Variants in ZDHHC11B observed in about 807,000 individuals in gnomAD.
The protein encoded by ZDHHC11B is probable palmitoyltransferase ZDHHC11B.
A neutral mutation model predicts 42.3 loss-of-function variants in ZDHHC11B; 17 were observed. That is an observed-to-expected ratio of 0.40 (90% CI 0.27 to 0.60). The LOEUF is 0.60. Among genes scored for constraint, ZDHHC11B ranks in the 20% least tolerant of loss-of-function variants. The pLI, the probability that ZDHHC11B is intolerant of heterozygous loss-of-function variation, is 0.41. For synonymous variants in ZDHHC11B, 123 were observed against 193.5 expected, an observed-to-expected ratio of 0.64 and a Z score of 3.02; for missense variants, 262 against 463.2, an observed-to-expected ratio of 0.57 and a Z score of 3.99.
intron 7 of ZDHHC11B, among the ~76,000 whole-genome samples, chr5:748,918 C>T (rs11741048): frequency 0.092 from 5,872 of 64,144 alleles, 343 homozygotes; most frequent in East Asian, 0.24. Context: ...GGGGTCACAG[C>T]GCCCACCCCT....
intron 12 of ZDHHC11B, among the ~76,000 whole-genome samples, chr5:723,737 C>T (rs2126976093): frequency 8.6e-6 from 1 of 116,534 alleles, no homozygotes; most frequent in Admixed American, 8.4e-5. Context: ...GTGTGACCTT[C>T]CGTGGTCAGA....
intron 8 of ZDHHC11B, chr5:747,329 TAA>T (rs1371395315): frequency 7.5e-6 from 1 of 133,962 alleles, no homozygotes; most frequent in African/African-American, 2.7e-5. Context: ...CATCCAAAAT[TAA>T]AACTCTGAAA....
chr5:729,926 G>A (rs1157878081), intron 12 of ZDHHC11B, among the ~76,000 whole-genome samples: 4 of 150,448 alleles, frequency 2.7e-5, no homozygotes, highest in East Asian at 3.9e-4. Context: ...ATTTCATCAC[G>A]GGAACAGGGT....
chr5:750,778 C>T (rs28415094), intron 7 of ZDHHC11B, among the ~76,000 whole-genome samples: 62,401 of 122,474 alleles, frequency 0.51, 16,894 homozygotes, highest in East Asian at 0.54. Flanking sequence ...GGATGGGCAC[C>T]CCCACCCTCC....
chr5:718,625 G>A (rs555863710), intron 12 of ZDHHC11B, among the ~76,000 whole-genome samples: 3 of 151,276 alleles, frequency 2.0e-5, no homozygotes, highest in East Asian at 3.9e-4. Context: ...GAACCTGGGA[G>A]GTGGAGCTTG....
chr5:769,646 G>A (rs1321190359), intron 1 of ZDHHC11B, among the ~76,000 whole-genome samples: 2 of 151,876 alleles, frequency 1.3e-5, no homozygotes, highest in African/African-American at 4.8e-5. Flanking sequence ...TCACACTTTC[G>A]TTCAAAGGAC....
At chr5:767,304 AC>A in intron 3 of ZDHHC11B, 87 bp downstream of exon 3, 1 of 1,431,814 alleles carries the variant, frequency 7.0e-7, no homozygotes. Flanking sequence ...CCCTCTCCCC[AC>A]CCACACACAT....
intron 7 of ZDHHC11B, among the ~76,000 whole-genome samples, chr5:749,403 T>C (rs1221875588): frequency 7.7e-6 from 1 of 129,140 alleles, no homozygotes; most frequent in Non-Finnish European, 1.7e-5. Context: ...TGGCAGAGGG[T>C]TGGATTCAGT....
intron 4 of ZDHHC11B, among the ~76,000 whole-genome samples, chr5:764,598 C>A (rs898900753): frequency 4.6e-5 from 7 of 151,928 alleles, no homozygotes; most frequent in Admixed American, 2.6e-4. Context: ...TGCCTCCCTG[C>A]GGGGCAGGGC....
At chr5:784,502 C>G (rs1737108417) in intron 1 of ZDHHC11B, among the ~76,000 whole-genome samples, 166 bp downstream of exon 1, 1 of 152,258 alleles carries the variant, frequency 6.6e-6, no homozygotes, top group Admixed American at 6.5e-5. Flanking sequence ...CCGGGCATCC[C>G]AATCCGGGGG....
intron 6 of ZDHHC11B, 81 bp from the exon 7 acceptor site, chr5:751,338 G>C (rs1179744480): frequency 6.6e-6 from 1 of 151,302 alleles, no homozygotes; most frequent in African/African-American, 3.4e-5. Context: ...GGGGGCACGG[G>C]GGCAGGGGGT....
At position 748,101 on chromosome 5, in the gene ZDHHC11B, C is replaced by T. The variant is rs186449059; in HGVS notation, c.784+303G>A. Reference sequence around the variant, plus strand: ...TAGATTCCATTCCATTTTCTCTGAACATTTTAAACTTGTTACTTCAAGCAC... The same window carrying T: ...TAGATTCCATTCCATTTTCTCTGAATATTTTAAACTTGTTACTTCAAGCAC... On this transcript the variant is annotated intron_variant, in intron 8 of 13. Transcript: ENST00000508859. The T allele has an allele frequency of 7.7e-6, 4 of 520,036 alleles. No individual in the cohort carries two copies. The East Asian group carries it at 1.7e-4, about 23-fold the overall frequency. The allele number at this position is 520,036 out of a possible 1,614,324, so 32.2% of individuals were successfully genotyped here. A position where few individuals can be genotyped will look rare whatever the true frequency, so the allele number is the denominator to read the frequency against.
chr5:743,135 T>A (rs1234842702), intron 9 of ZDHHC11B, among the ~76,000 whole-genome samples: 1 of 149,250 alleles, frequency 6.7e-6, no homozygotes, highest in Non-Finnish European at 1.5e-5. Context: ...TCTCCCTATT[T>A]AATGATTTTA....
In ZDHHC11B at chr5:755,032, AT is replaced by A. The variant is rs1733622865; in HGVS notation, c.468del (p.Lys156AsnfsTer29). 2 of 810,706 alleles carry A rather than the reference AT, an allele frequency of 2.5e-6. No individual in the cohort carries two copies. Among genetic ancestry groups the A allele is most frequent in the African/African-American group, 3.3e-5 (2 of 61,006 alleles). The allele number at this position is 810,706 out of a possible 1,614,324, so 50.2% of individuals were successfully genotyped here. Reference protein sequence around the residue: ...KCVSGFDHHCKWINNCVGSRN... With the variant: ...KCVSGFDHHCXWINNCVGSRN... ...CGGCTTCCCACGCAGTTGTTGATCC[AT>A]TTGCAGTGGTGGTCGAAGCCGGACA... On this transcript the variant is annotated frameshift_variant, in exon 6 of 14. Coordinates refer to ENST00000508859, the MANE Select transcript of ZDHHC11B (RefSeq NM_001351303.2). LOFTEE classifies it high-confidence loss of function.
At chr5:754,179 C>G (rs1259759014) in intron 6 of ZDHHC11B, among the ~76,000 whole-genome samples, 32 of 106,484 alleles carry the variant, frequency 3.0e-4, no homozygotes, top group Admixed American at 3.2e-4. Flanking sequence ...TCAGGGGAAA[C>G]ATCTCTCGTC....
At chr5:774,253 A>G (rs1736282770) in intron 1 of ZDHHC11B, among the ~76,000 whole-genome samples, 1 of 152,110 alleles carries the variant, frequency 6.6e-6, no homozygotes, top group African/African-American at 2.4e-5. Flanking sequence ...AGCCAAACTT[A>G]CAGAAAACCT....
intron 9 of ZDHHC11B, 143 bp downstream of exon 9, chr5:745,040 C>T: frequency 1.1e-6 from 1 of 887,734 alleles, no homozygotes; most frequent in Non-Finnish European, 1.7e-6. Context: ...TGCACAGAGC[C>T]TCACACACAG....
In ZDHHC11B at chr5:766,831, CTG is replaced by C. The variant is rs1735474332; in HGVS notation, c.87_88del (p.Arg30SerfsTer116). 6.2e-7 allele frequency: 1 copy of C among 1,612,712 alleles called. No homozygotes were observed. The highest frequency in any genetic ancestry group is 8.5e-7 in the Non-Finnish European group (1 of 1,179,266). On this transcript the variant is annotated frameshift_variant, in exon 4 of 14. Transcript: ENST00000508859. LOFTEE classifies it high-confidence loss of function. The stretch of plus-strand genomic sequence containing the variant: ...CAGGGGTAACGACCAGCCGTTCACT[CTG>C]GAGATGCGGGGCGGCAAGACCAGCT...
chr5:714,493 ATT>A (rs58853046), intron 13 of ZDHHC11B, among the ~76,000 whole-genome samples: 5 of 109,388 alleles, frequency 4.6e-5, no homozygotes, highest in Non-Finnish European at 1.9e-5. Context: ...AGTGGTGAAT[ATT>A]TTTTTTTTTG....
Sources: allele counts gnomAD v4.1 joint callset (sites outside exome capture counted in the v4.1 genomes callset), GRCh38; gene constraint gnomAD v4.1.1; transcripts MANE v1.5; gene names NCBI Gene and HGNC (gene_info 2026-07-23, HGNC 2026-07-21).